The following RNF180 variants were observed in gnomAD, a reference collection of about 807,000 sequenced individuals.
RNF180 encodes the protein ring finger protein 180.
Under a neutral mutation model 59.2 loss-of-function variants are expected in RNF180, and 38 were observed. The observed-to-expected ratio is 0.64, with a 90% confidence interval of 0.50 to 0.84. RNF180 has a LOEUF of 0.84. Among genes scored for constraint, RNF180 ranks in the 40% least tolerant of loss-of-function variants. The pLI, the probability that RNF180 is intolerant of heterozygous loss-of-function variation, is 0.00. For synonymous variants in RNF180, 262 were observed against 240.3 expected, an observed-to-expected ratio of 1.09 and a Z score of -0.84; for missense variants, 705 against 700.9, an observed-to-expected ratio of 1.01 and a Z score of -0.07.
At chr5:64,357,498 A>G (rs999255289) in intron 7 of RNF180, among the ~76,000 whole-genome samples, 5 of 151,856 alleles carry the variant, frequency 3.3e-5, no homozygotes, top group Admixed American at 2.6e-4. Flanking sequence ...ATGTCTTTCA[A>G]ATATGTTCAT....
chr5:64,242,079 C>CA (rs764972647), intron 5 of RNF180, among the ~76,000 whole-genome samples: 2 of 152,210 alleles, frequency 1.3e-5, no homozygotes, highest in Non-Finnish European at 2.9e-5. Context: ...AGGCAGCTCT[C>CA]AGAGGCCCCA....
intron 5 of RNF180, among the ~76,000 whole-genome samples, chr5:64,299,387 G>C (rs1743050772): frequency 6.6e-6 from 1 of 151,846 alleles, no homozygotes; most frequent in African/African-American, 2.4e-5. Flanking sequence ...CTGGGTTATT[G>C]TTACATATAC....
At chr5:64,178,803 T>G (rs189661434) in intron 1 of RNF180, among the ~76,000 whole-genome samples, 1 of 152,210 alleles carries the variant, frequency 6.6e-6, no homozygotes. Context: ...CAACTACATA[T>G]TTTTTCTAAA....
At chr5:64,221,422 ATTAT>A (rs900009161) in intron 5 of RNF180, among the ~76,000 whole-genome samples, 1 of 152,110 alleles carries the variant, frequency 6.6e-6, no homozygotes, top group Non-Finnish European at 1.5e-5. Flanking sequence ...GAAACAGATC[ATTAT>A]TTATTGCTCA....
chr5:64,305,129 T>A (rs1580215360), intron 5 of RNF180, among the ~76,000 whole-genome samples: 1 of 151,720 alleles, frequency 6.6e-6, no homozygotes. Context: ...AACATAACTT[T>A]TGTATGCACT....
intron 5 of RNF180, among the ~76,000 whole-genome samples, chr5:64,233,762 G>A (rs190349178): frequency 5.3e-5 from 8 of 152,240 alleles, no homozygotes; most frequent in East Asian, 1.9e-4. Context: ...TTTCTTGTGC[G>A]AGGTCCATTT....
chr5:64,209,274 G>A (rs147464301), intron 2 of RNF180, among the ~76,000 whole-genome samples: 160 of 152,064 alleles, frequency 1.1e-3, no homozygotes, highest in African/African-American at 3.7e-3. Flanking sequence ...TGACTCCAGT[G>A]TTTATTCTCA....
Position 64,214,281 on chromosome 5 carries a change from G to C in RNF180, c.955G>C (p.Val319Leu). Reference sequence around the variant, plus strand: ...TCAGTGTGGTCTAGAAGCTGCTTCAGTGTATTCTGACCATACTAATACTAA... The same window carrying C: ...TCAGTGTGGTCTAGAAGCTGCTTCACTGTATTCTGACCATACTAATACTAA... The part of the protein sequence containing the change: ...EFQCGLEAAS[V>L]YSDHTNTNNL... Residue 319 changes from valine to leucine, a missense_variant, in exon 4 of 8, where the codon GTG becomes CTG. Physicochemically the swap from Val to Leu is conservative, Grantham distance 32. Coordinates refer to ENST00000389100, the MANE Select transcript of RNF180 (RefSeq NM_001113561.2). 1 of 1,614,052 alleles carries C rather than the reference G, an allele frequency of 6.2e-7. No individual in the cohort carries two copies. Among genetic ancestry groups the C allele is most frequent in the Non-Finnish European group, 8.5e-7 (1 of 1,180,004 alleles).
rs567498278 is a variant in RNF180, at chr5:64,234,746, C to T, written c.1227+17350C>T. ...TCCCGAGTAGCTGGGACTACAGGCGCCCGCCACCACGCCTGGCTAATTTTT... is the reference window on the plus strand; with the variant it reads ...TCCCGAGTAGCTGGGACTACAGGCGTCCGCCACCACGCCTGGCTAATTTTT... On this transcript the variant is annotated intron_variant, in intron 5 of 7. Coordinates refer to ENST00000389100, the MANE Select transcript of RNF180 (RefSeq NM_001113561.2). 4.0e-5 allele frequency among the ~76,000 whole-genome samples: 6 copies of T among 150,838 alleles called. No individual in the cohort carries two copies. The East Asian group carries it at 1.2e-3, about 31-fold the overall frequency.
chr5:64,323,759 T>C (rs1002499985), intron 5 of RNF180, among the ~76,000 whole-genome samples: 1 of 152,150 alleles, frequency 6.6e-6, no homozygotes, highest in African/African-American at 2.4e-5. Context: ...CCAGGTGCCA[T>C]ACTAAATGTA....
At chr5:64,363,333 C>T (rs1746326940) in intron 7 of RNF180, among the ~76,000 whole-genome samples, 1 of 151,810 alleles carries the variant, frequency 6.6e-6, no homozygotes, top group African/African-American at 2.4e-5. Flanking sequence ...ATCCGAGCAC[C>T]ATTTATTGAA....
intron 5 of RNF180, among the ~76,000 whole-genome samples, chr5:64,296,318 A>C (rs1460206591): frequency 2.0e-5 from 3 of 152,204 alleles, no homozygotes; most frequent in African/African-American, 7.2e-5. Context: ...TGAACAGTTT[A>C]GTTCAAAATA....
intron 5 of RNF180, among the ~76,000 whole-genome samples, chr5:64,305,593 C>G (rs1286559952): frequency 2.0e-5 from 3 of 150,902 alleles, no homozygotes; most frequent in Non-Finnish European, 4.4e-5. Context: ...ATCTTTCAAC[C>G]TCTAATAACA....
chr5:64,313,604 C>T lies in RNF180; in HGVS notation c.1228-11582C>T, dbSNP rs780204977. 5.9e-5 allele frequency among the ~76,000 whole-genome samples: 9 copies of T among 152,122 alleles called. No individual in the cohort carries two copies. In the East Asian group the frequency reaches 1.2e-3, roughly 20 times the overall value. On this transcript the variant is annotated intron_variant, in intron 5 of 7. Transcript: ENST00000389100. ...GTCTTTGCTATTGTAAATAGTGCTG[C>T]GATGAACATAACATGTGCATGTGTC...
chr5:64,368,446 A>T (rs1211034689), intron 7 of RNF180, among the ~76,000 whole-genome samples: 1 of 151,774 alleles, frequency 6.6e-6, no homozygotes, highest in African/African-American at 2.4e-5. Context: ...TCATGACCAA[A>T]AGAGTTAAAT....
intron 7 of RNF180, among the ~76,000 whole-genome samples, chr5:64,356,872 A>G (rs188989922): frequency 6.6e-6 from 1 of 151,982 alleles, no homozygotes; most frequent in African/African-American, 2.4e-5. Context: ...TCTGTTTGGG[A>G]TAATGAAAAA....
chr5:64,318,941 G>A (rs1360597560), intron 5 of RNF180, among the ~76,000 whole-genome samples: 1 of 152,074 alleles, frequency 6.6e-6, no homozygotes, highest in African/African-American at 2.4e-5. Flanking sequence ...TTACGCATTT[G>A]ACAAAACTCA....
chr5:64,268,677 G>A (rs894873953), intron 5 of RNF180, among the ~76,000 whole-genome samples: 14 of 152,078 alleles, frequency 9.2e-5, no homozygotes, highest in East Asian at 1.9e-4. Flanking sequence ...AGGAACCAAG[G>A]CATTCTAATT....
intron 7 of RNF180, among the ~76,000 whole-genome samples, chr5:64,347,513 C>G (rs905925707): frequency 7.2e-5 from 11 of 151,908 alleles, no homozygotes; most frequent in African/African-American, 2.7e-4. Context: ...CCTTTTTTGC[C>G]AGCTGGTGGA....
Sources: gnomAD v4.1 joint callset for allele counts (sites outside exome capture counted in the v4.1 genomes callset) on GRCh38, gnomAD v4.1.1 for gene constraint, MANE v1.5 for transcripts, NCBI Gene and HGNC (gene_info 2026-07-23, HGNC 2026-07-21) for gene names.